The following IDE variants were observed in gnomAD, a reference collection of about 807,000 sequenced individuals.
IDE encodes the protein insulin degrading enzyme, also known as insulin-degrading enzyme.
In IDE, 58 loss-of-function variants were observed where a neutral mutation model predicts 133.2. The observed-to-expected ratio is 0.44, with a 90% CI of 0.35 to 0.54. IDE has a LOEUF of 0.54. Among genes scored for constraint, IDE ranks in the 20% least tolerant of loss-of-function variants. The probability of loss-of-function intolerance (pLI) is 0.00; values close to 1 mark genes in which losing one functional copy is unlikely to be tolerated. For synonymous variants in IDE, 396 were observed against 421.3 expected (o/e 0.94, Z 0.73); for missense variants, 981 against 1,234.0 (o/e 0.79, Z 3.07).
rs911396681 is a variant in IDE, at chr10:92,563,687, A to G, written c.98+10235T>C. Among the ~76,000 whole-genome samples, 4 of 151,778 alleles carry G rather than the reference A, an allele frequency of 2.6e-5. No homozygotes were observed. In the South Asian group the frequency reaches 6.2e-4, roughly 24 times the overall value. Reference sequence around the variant, plus strand: ...ATCGCTTCAACCTGGGGCAGGGGGCAGAGGTTGCAGTGAGCCGGGATCACG... The same window carrying G: ...ATCGCTTCAACCTGGGGCAGGGGGCGGAGGTTGCAGTGAGCCGGGATCACG... On this transcript the variant is annotated intron_variant, in intron 1 of 24. Transcript: ENST00000265986.
chr10:92,562,725 T>C (rs749185480), intron 1 of IDE, among the ~76,000 whole-genome samples: 1 of 151,496 alleles, frequency 6.6e-6, no homozygotes, highest in Non-Finnish European at 1.5e-5. Context: ...AGCCCAACAA[T>C]GGGAAGGGAG....
chr10:92,565,517 C>T (rs543206357), intron 1 of IDE, among the ~76,000 whole-genome samples: 5 of 152,244 alleles, frequency 3.3e-5, no homozygotes, highest in South Asian at 2.1e-4. Context: ...ATTTCACTTC[C>T]GATATCATCT....
intron 1 of IDE, among the ~76,000 whole-genome samples, chr10:92,542,944 G>A (rs1369804584): frequency 6.6e-6 from 1 of 152,132 alleles, no homozygotes; most frequent in African/African-American, 2.4e-5. Flanking sequence ...TTTTATTCAG[G>A]TGACCTTTCA....
At chr10:92,521,810 T>C (rs1849239779) in intron 4 of IDE, among the ~76,000 whole-genome samples, 1 of 152,176 alleles carries the variant, frequency 6.6e-6, no homozygotes, top group Non-Finnish European at 1.5e-5. Context: ...ACTAGAAATT[T>C]GAACACTAAC....
chr10:92,469,787 T>C (rs1708983833), intron 18 of IDE, among the ~76,000 whole-genome samples: 1 of 152,182 alleles, frequency 6.6e-6, no homozygotes, highest in Non-Finnish European at 1.5e-5. Flanking sequence ...GTACTTAGCA[T>C]GTACTATTTA....
intron 1 of IDE, among the ~76,000 whole-genome samples, chr10:92,569,596 A>G (rs1043660266): frequency 3.3e-5 from 5 of 152,186 alleles, no homozygotes; most frequent in African/African-American, 1.2e-4. Context: ...AATGAGGGAA[A>G]AAGATTCAAA....
chr10:92,461,765 T>C (rs1406107783), intron 21 of IDE, among the ~76,000 whole-genome samples: 1 of 151,906 alleles, frequency 6.6e-6, no homozygotes, highest in Non-Finnish European at 1.5e-5. Flanking sequence ...CCCGGGTTCA[T>C]GCCATTCTCC....
At chr10:92,459,173 G>A (rs1315415687) in intron 22 of IDE, among the ~76,000 whole-genome samples, 1 of 152,114 alleles carries the variant, frequency 6.6e-6, no homozygotes, top group South Asian at 2.1e-4. Flanking sequence ...TAATAATTTT[G>A]CAGAAGAGTT....
At chr10:92,543,093 C>T (rs1278567639) in intron 1 of IDE, among the ~76,000 whole-genome samples, 1 of 152,178 alleles carries the variant, frequency 6.6e-6, no homozygotes, top group Non-Finnish European at 1.5e-5. Flanking sequence ...AAATAATGAC[C>T]TATAAACCTG....
At chr10:92,538,436 G>A (rs765427116) in intron 1 of IDE, among the ~76,000 whole-genome samples, 2 of 152,182 alleles carry the variant, frequency 1.3e-5, no homozygotes, top group Non-Finnish European at 2.9e-5. Context: ...GTCCTATGAC[G>A]GCAGCAATAA....
chr10:92,521,398 TAAA>T (rs879425676), intron 4 of IDE, among the ~76,000 whole-genome samples: 1 of 138,976 alleles, frequency 7.2e-6, no homozygotes, highest in East Asian at 2.0e-4. Flanking sequence ...AGGGGTGCAG[TAAA>T]AAAAAAAAAA....
At chr10:92,507,454 TAGAC>T (rs1848355522) in intron 9 of IDE, 117 bp downstream of exon 9, 4 of 681,922 alleles carry the variant, frequency 5.9e-6, no homozygotes, top group Non-Finnish European at 7.8e-6. Context: ...TGCAAAATTT[TAGAC>T]TTCAGTTAGG....
chr10:92,567,187 T>C (rs1011977183), intron 1 of IDE, among the ~76,000 whole-genome samples: 1 of 152,126 alleles, frequency 6.6e-6, no homozygotes, highest in African/African-American at 2.4e-5. Flanking sequence ...CAAGCAGTGG[T>C]TCGTTCTCTT....
At chr10:92,549,863 T>C (rs112568904) in intron 1 of IDE, among the ~76,000 whole-genome samples, 144 of 152,266 alleles carry the variant, frequency 9.5e-4, no homozygotes, top group African/African-American at 3.0e-3. Flanking sequence ...AACCCAAGTC[T>C]TTAGACACAA....
At chr10:92,491,926 A>G (rs1322790962) in intron 11 of IDE, among the ~76,000 whole-genome samples, 1 of 151,936 alleles carries the variant, frequency 6.6e-6, no homozygotes, top group African/African-American at 2.4e-5. Context: ...GCTTTTTTTG[A>G]TGCGACAGTA....
At chr10:92,478,246 C>T (rs1846388042) in intron 15 of IDE, among the ~76,000 whole-genome samples, 1 of 152,238 alleles carries the variant, frequency 6.6e-6, no homozygotes, top group South Asian at 2.1e-4. Context: ...TGTATCTGAA[C>T]ATAGAAACTT....
chr10:92,483,381 C>A (rs751800105), intron 13 of IDE, 44 bp from the exon 14 acceptor site: 4 of 1,051,320 alleles, frequency 3.8e-6, no homozygotes, highest in Non-Finnish European at 5.9e-6. Context: ...GAGGCGCATT[C>A]AGCAAAAATG....
chr10:92,485,439 T>C lies in IDE; in HGVS notation c.1656+1757A>G, dbSNP rs1228209487. Among the ~76,000 whole-genome samples, 7 of 152,182 alleles carry C rather than the reference T, an allele frequency of 4.6e-5. No individual in the cohort carries two copies. In the East Asian group the frequency reaches 5.8e-4, roughly 13 times the overall value. On this transcript the variant is annotated intron_variant, in intron 13 of 24. Coordinates refer to ENST00000265986, the MANE Select transcript of IDE (RefSeq NM_004969.4). ...TGGCCTAACTTAAATGTTGTGGTTT[T>C]AAGCTGCTAAATTTTGGAATAATTT... is the stretch of plus-strand genomic sequence containing the variant.
chr10:92,547,071 A>T (rs1842562782), intron 1 of IDE, among the ~76,000 whole-genome samples: 1 of 152,084 alleles, frequency 6.6e-6, no homozygotes, highest in Non-Finnish European at 1.5e-5. Flanking sequence ...GACACCTGTC[A>T]TGGTTTTCTT....
Sources: allele counts gnomAD v4.1 joint callset (sites outside exome capture counted in the v4.1 genomes callset), GRCh38; gene constraint gnomAD v4.1.1; transcripts MANE v1.5; gene names NCBI Gene and HGNC (gene_info 2026-07-23, HGNC 2026-07-21).